Variants in ZBTB20 observed in about 807,000 individuals in gnomAD.
ZBTB20 encodes zinc finger and BTB domain containing 20.
A neutral mutation model predicts 56.9 loss-of-function variants in ZBTB20; 9 were observed. The observed-to-expected ratio is 0.16, with a 90% CI of 0.10 to 0.28. ZBTB20 has a LOEUF of 0.28. ZBTB20 is among the 10% of genes least tolerant of loss of function. The probability of loss-of-function intolerance (pLI) is 1.00; values close to 1 mark genes in which losing one functional copy is unlikely to be tolerated. For synonymous variants in ZBTB20, 417 were observed against 420.7 expected (o/e 0.99, Z 0.11); for missense variants, 655 against 1,003.0 (o/e 0.65, Z 4.69).
chr3:114,873,256 A>G (rs2076073071), intron 4 of ZBTB20: 1 of 152,118 alleles, frequency 6.6e-6, no homozygotes, highest in African/African-American at 2.4e-5. Context: ...TTATGGTACT[A>G]TAACTAGCAC....
intron 7 of ZBTB20, among the ~76,000 whole-genome samples, chr3:114,418,413 A>G (rs2088803325): frequency 6.6e-6 from 1 of 152,048 alleles, no homozygotes; most frequent in Non-Finnish European, 1.5e-5. Flanking sequence ...TCTGTATTGC[A>G]ACCCTTGTCA....
chr3:114,573,767 G>T (rs1434283774), intron 6 of ZBTB20, among the ~76,000 whole-genome samples: 1 of 151,908 alleles, frequency 6.6e-6, no homozygotes, highest in Non-Finnish European at 1.5e-5. Context: ...GAATAAATTG[G>T]AATCATACAT....
intron 4 of ZBTB20, among the ~76,000 whole-genome samples, chr3:114,826,248 T>C (rs2073520632): frequency 6.6e-6 from 1 of 151,720 alleles, no homozygotes. Flanking sequence ...TAATATGTCT[T>C]CCCAAATCGT....
At position 114,564,390 on chromosome 3, in the gene ZBTB20, C is replaced by T. The variant is rs116635894; in HGVS notation, c.-294-63999G>A. The stretch of plus-strand genomic sequence containing the variant: ...GCATTAATCTGTCTGTCACAGAGAC[C>T]GAAATATTCTAGGTACCCAAATTTC... On this transcript the variant is annotated intron_variant, in intron 6 of 11. Transcript: ENST00000675478. Among the ~76,000 whole-genome samples the T allele has an allele frequency of 5.9e-3, 903 of 152,074 alleles. 8 individuals are homozygous for T. The highest frequency in any genetic ancestry group is 0.019 in the African/African-American group (784 of 41,468).
intron 11 of ZBTB20, among the ~76,000 whole-genome samples, chr3:114,341,465 G>A (rs1219893755): frequency 1.3e-5 from 2 of 152,172 alleles, no homozygotes; most frequent in East Asian, 3.8e-4. Context: ...TATGGGAAGC[G>A]TGCCTTAAAT....
chr3:115,128,420 T>C (rs1317787122), intron 1 of ZBTB20, among the ~76,000 whole-genome samples: 1 of 151,828 alleles, frequency 6.6e-6, no homozygotes, highest in East Asian at 1.9e-4. Flanking sequence ...TCCCAACACT[T>C]TGGGAGGCTG....
intron 6 of ZBTB20, among the ~76,000 whole-genome samples, chr3:114,507,699 G>A (rs933396979): frequency 6.6e-6 from 1 of 152,092 alleles, no homozygotes; most frequent in Admixed American, 6.6e-5. Flanking sequence ...TCTGCCTCCA[G>A]TCAGGAGAAT....
At chr3:114,628,140 C>G (rs902986259) in intron 6 of ZBTB20, among the ~76,000 whole-genome samples, 1 of 152,140 alleles carries the variant, frequency 6.6e-6, no homozygotes, top group Admixed American at 6.6e-5. Flanking sequence ...TTGGCATCAA[C>G]TGCTCAACAA....
intron 4 of ZBTB20, among the ~76,000 whole-genome samples, chr3:114,837,209 C>T (rs1309095962): frequency 9.9e-5 from 15 of 152,180 alleles, no homozygotes. Context: ...CCCTGCTTTA[C>T]TTTTCTCTTA....
chr3:114,738,762 T>A (rs1578622966), intron 5 of ZBTB20, among the ~76,000 whole-genome samples: 1 of 152,190 alleles, frequency 6.6e-6, no homozygotes, highest in African/African-American at 2.4e-5. Context: ...ACAGATGTAT[T>A]TGTATTCTTT....
intron 7 of ZBTB20, among the ~76,000 whole-genome samples, chr3:114,496,935 CAGT>C (rs1353857546): frequency 6.6e-6 from 1 of 152,182 alleles, no homozygotes; most frequent in African/African-American, 2.4e-5. Flanking sequence ...CCACTATGGG[CAGT>C]AGGAGGCACG....
intron 4 of ZBTB20, among the ~76,000 whole-genome samples, chr3:114,821,718 C>A (rs116458772): frequency 0.046 from 6,990 of 152,138 alleles, 396 homozygotes; most frequent in African/African-American, 0.13. Flanking sequence ...GTCAACATGA[C>A]TGCCCTCTGG....
At chr3:114,832,129 A>T (rs1215704838) in intron 4 of ZBTB20, among the ~76,000 whole-genome samples, 2 of 152,226 alleles carry the variant, frequency 1.3e-5, no homozygotes, top group East Asian at 3.9e-4. Context: ...TGGAGGAAAT[A>T]ACCTAAAGTC....
intron 2 of ZBTB20, among the ~76,000 whole-genome samples, chr3:115,056,186 T>C (rs2081773734): frequency 6.6e-6 from 1 of 151,990 alleles, no homozygotes. Flanking sequence ...AGTAAGTGAA[T>C]GGAAATTTCA....
intron 6 of ZBTB20, among the ~76,000 whole-genome samples, chr3:114,548,312 G>C (rs367567262): frequency 4.2e-4 from 64 of 152,082 alleles, no homozygotes; most frequent in African/African-American, 1.4e-3. Context: ...CCTCAATTCA[G>C]GTGTGATGAA....
chr3:115,013,730 T>C (rs1488018127), intron 2 of ZBTB20, among the ~76,000 whole-genome samples: 1 of 151,624 alleles, frequency 6.6e-6, no homozygotes, highest in Non-Finnish European at 1.5e-5. Flanking sequence ...CAAAGACACA[T>C]TTCGGATCAA....
intron 7 of ZBTB20, among the ~76,000 whole-genome samples, chr3:114,460,150 A>C (rs2092259235): frequency 6.6e-6 from 1 of 152,128 alleles, no homozygotes; most frequent in African/African-American, 2.4e-5. Context: ...GATGGCTTTT[A>C]TACTCTTGAC....
At chr3:114,779,835 GA>G (rs2069934785) in intron 5 of ZBTB20, among the ~76,000 whole-genome samples, 1 of 152,232 alleles carries the variant, frequency 6.6e-6, no homozygotes, top group South Asian at 2.1e-4. Flanking sequence ...ATGTTTCTAA[GA>G]CACAAATTAA....
chr3:114,876,083 T>A (rs563894807), intron 4 of ZBTB20, among the ~76,000 whole-genome samples: 8 of 150,460 alleles, frequency 5.3e-5, no homozygotes, highest in South Asian at 2.1e-4. Flanking sequence ...AAATTTTTTT[T>A]AAAATTAGCG....
Sources: allele counts gnomAD v4.1 joint callset (sites outside exome capture counted in the v4.1 genomes callset), GRCh38; gene constraint gnomAD v4.1.1; transcripts MANE v1.5; gene names NCBI Gene and HGNC (gene_info 2026-07-23, HGNC 2026-07-21).